The following ZNF875 variants were observed in gnomAD, a reference collection of about 807,000 sequenced individuals.
ZNF875 encodes HKR1, GLI-Kruppel zinc finger family member.
A neutral mutation model predicts 11.2 loss-of-function variants in ZNF875; 14 were observed. That is an observed-to-expected ratio of 1.26 (90% CI 0.83 to 1.96). The LOEUF (loss-of-function observed/expected upper bound fraction) is 1.96, where lower values mean the gene tolerates loss of function less well. Ranked by LOEUF, ZNF875 falls within the 30% of genes most tolerant of loss-of-function variation. ZNF875 has a pLI of 0.00. For synonymous variants in ZNF875, 301 were observed against 281.1 expected (o/e 1.07, Z -0.71); for missense variants, 752 against 760.4 (o/e 0.99, Z 0.13).
chr19:37,342,142 C>G (rs961055946), intron 2 of ZNF875, among the ~76,000 whole-genome samples: 3 of 152,190 alleles, frequency 2.0e-5, no homozygotes, highest in African/African-American at 7.2e-5. Context: ...GTGGAGACTC[C>G]ACTAGGCATC....
At chr19:37,330,598 G>C (rs1223642455), upstream of ZNF875, among the ~76,000 whole-genome samples, 3 of 152,066 alleles carry the variant, frequency 2.0e-5, no homozygotes, top group Non-Finnish European at 2.9e-5. Flanking sequence ...AACCTGAAGG[G>C]TAACTGCTTA....
At chr19:37,335,719 G>A (rs2034229502) in intron 2 of ZNF875, among the ~76,000 whole-genome samples, 1 of 152,156 alleles carries the variant, frequency 6.6e-6, no homozygotes, top group Non-Finnish European at 1.5e-5. Context: ...TCACTTCAAG[G>A]AGCCAGGCGC....
chr19:37,359,701 C>T, intron 4 of ZNF875: 1 of 219,560 alleles, frequency 4.6e-6, no homozygotes, highest in Non-Finnish European at 9.1e-6. Context: ...CATGCCTGGC[C>T]CTTTTCATTG....
intron 2 of ZNF875, among the ~76,000 whole-genome samples, chr19:37,342,477 A>G (rs1318675868): frequency 6.8e-6 from 1 of 148,126 alleles, no homozygotes; most frequent in Non-Finnish European, 1.5e-5. Context: ...CAATGGAGCG[A>G]TATCGGCTCA....
chr19:37,336,061 G>A (rs754626273), intron 2 of ZNF875, among the ~76,000 whole-genome samples: 1 of 152,130 alleles, frequency 6.6e-6, no homozygotes, highest in African/African-American at 2.4e-5. Flanking sequence ...ACATACATGC[G>A]TAATTGTTCA....
At chr19:37,332,871 C>T (rs1198239665), upstream of ZNF875, among the ~76,000 whole-genome samples, 1 of 152,130 alleles carries the variant, frequency 6.6e-6, no homozygotes, top group Non-Finnish European at 1.5e-5. Context: ...AAATAGGACT[C>T]CTTAAAGCAC....
chr19:37,318,846 A>G (rs1209829667), intron 1 of ZNF875, among the ~76,000 whole-genome samples: 1 of 151,900 alleles, frequency 6.6e-6, no homozygotes, highest in East Asian at 1.9e-4. Flanking sequence ...CTTGTGGAAA[A>G]TTTCTGTGAA....
Position 37,362,972 on chromosome 19 carries a change from G to C in ZNF875, c.1120G>C (p.Gly374Arg). The change falls in exon 5 of 5, where the codon GGC becomes CGC. Residue 374 changes from glycine to arginine, a missense_variant. Transcript: ENST00000392153. ...TTATGTTTGCAGGGAATGTGGGCGT[G>C]GCTTTCGCCAGCATTCACACCTGGT... is the stretch of plus-strand genomic sequence containing the variant. ...KPYVCRECGR[G>R]FRQHSHLVRH... The C allele has an allele frequency of 6.2e-7, 1 of 1,614,048 alleles. No homozygotes were observed. The highest frequency in any genetic ancestry group is 8.5e-7 in the Non-Finnish European group (1 of 1,180,018).
rs1363682927 is a variant in ZNF875, at chr19:37,362,255, T to A, written c.403T>A (p.Tyr135Asn). Residue 135 changes from tyrosine to asparagine, a missense_variant, in exon 5 of 5, where the codon TAT becomes AAT. By Grantham distance (143) the Tyr-to-Asn change is moderately radical (BLOSUM62 -2). Coordinates refer to ENST00000392153, the MANE Select transcript of ZNF875 (RefSeq NM_001353803.2). ...AGNPLHLGKH[Y>N]PEDQKQQQDP... ...AAATCCTCTCCACCTGGGAAAACACTATCCAGAAGATCAGAAACAACAGCA... is the reference window on the plus strand; with the variant it reads ...AAATCCTCTCCACCTGGGAAAACACAATCCAGAAGATCAGAAACAACAGCA... 1 of 1,614,042 alleles carries A rather than the reference T, an allele frequency of 6.2e-7. No individual in the cohort carries two copies. Among genetic ancestry groups the A allele is most frequent in the Non-Finnish European group, 8.5e-7 (1 of 1,180,030 alleles).
chr19:37,321,813 C>G (rs1294592739), intron 1 of ZNF875, among the ~76,000 whole-genome samples: 1 of 152,118 alleles, frequency 6.6e-6, no homozygotes, highest in Non-Finnish European at 1.5e-5. Flanking sequence ...TTCTGCCTCT[C>G]AAAGGGAGGA....
Position 37,362,959 on chromosome 19 carries a change from G to A in ZNF875, c.1107G>A (p.Arg369=), listed in dbSNP as rs2040216604. 1 of 1,613,878 alleles carries A rather than the reference G, an allele frequency of 6.2e-7. No individual in the cohort carries two copies. The highest frequency in any genetic ancestry group is 1.3e-5 in the African/African-American group (1 of 74,840). Reference sequence around the variant, plus strand: ...CTGGGGAGAAGCCTTATGTTTGCAGGGAATGTGGGCGTGGCTTTCGCCAGC... The same window carrying A: ...CTGGGGAGAAGCCTTATGTTTGCAGAGAATGTGGGCGTGGCTTTCGCCAGC... The part of the protein sequence containing the change: ...AHTGEKPYVC[R]ECGRGFRQHS... The change falls in exon 5 of 5, where the codon AGG becomes AGA. Residue 369 remains arginine (R), a synonymous_variant. Coordinates refer to ENST00000392153, the MANE Select transcript of ZNF875 (RefSeq NM_001353803.2).
At chr19:37,319,233 A>C (rs2145631043) in intron 1 of ZNF875, among the ~76,000 whole-genome samples, 1 of 150,048 alleles carries the variant, frequency 6.7e-6, no homozygotes, top group South Asian at 2.1e-4. Flanking sequence ...TTTAGTAGAG[A>C]TTGGGTTTCT....
Position 37,363,161 on chromosome 19 carries a change from C to T in ZNF875, c.1309C>T (p.Leu437Phe), listed in dbSNP as rs1393786356. Residue 437 changes from leucine (L) to phenylalanine (F), a missense_variant, in exon 5 of 5, where the codon CTC becomes TTC. Coordinates refer to ENST00000392153, the MANE Select transcript of ZNF875 (RefSeq NM_001353803.2). ...CGRHFSWKSN[L>F]KTHQRTHSGV... ...GCGTCACTTTAGCTGGAAATCAAAC[C>T]TCAAAACACACCAGAGGACACACTC... The T allele has an allele frequency of 6.2e-7, 1 of 1,614,106 alleles. No homozygotes were observed. Among genetic ancestry groups the T allele is most frequent in the Non-Finnish European group, 8.5e-7 (1 of 1,179,998 alleles).
upstream of ZNF875, among the ~76,000 whole-genome samples, chr19:37,330,926 G>T (rs530753321): frequency 6.6e-6 from 1 of 152,026 alleles, no homozygotes; most frequent in East Asian, 2.0e-4. Flanking sequence ...GGTGGCTCAC[G>T]CCTGTAATCC....
upstream of ZNF875, chr19:37,315,096 G>T (rs1599836820): frequency 6.6e-6 from 1 of 152,004 alleles, no homozygotes; most frequent in Non-Finnish European, 1.5e-5. Context: ...CTATGTATTG[G>T]TCTATTTTGG....
rs1006209559 is a variant in ZNF875, at chr19:37,349,189, A to G, written c.256+1317A>G. 6.3e-4 allele frequency among the ~76,000 whole-genome samples: 96 copies of G among 152,150 alleles called. 1 individual carries two copies. Among genetic ancestry groups the G allele is most frequent in the Non-Finnish European group, 8.8e-5 (6 of 68,028 alleles). ...TTTGTAAGGACATTATTCATACTGGATTAGGACCCACTCTAATGACCTCAT... is the reference window on the plus strand; with the variant it reads ...TTTGTAAGGACATTATTCATACTGGGTTAGGACCCACTCTAATGACCTCAT... On this transcript the variant is annotated intron_variant, in intron 4 of 4. Transcript: ENST00000392153.
chr19:37,317,260 AC>A (rs1359626263), upstream of ZNF875: 2 of 120,646 alleles, frequency 1.7e-5, no homozygotes, highest in African/African-American at 6.6e-5. Flanking sequence ...ATCTCTGCTC[AC>A]TGCAAGCTCC....
At chr19:37,319,831 G>A (rs2031013890) in intron 1 of ZNF875, among the ~76,000 whole-genome samples, 1 of 152,224 alleles carries the variant, frequency 6.6e-6, no homozygotes, top group East Asian at 1.9e-4. Context: ...GGTAACCTCA[G>A]CTCTTTCATG....
chr19:37,345,624 A>G (rs1018635081), intron 2 of ZNF875, among the ~76,000 whole-genome samples: 8 of 152,176 alleles, frequency 5.3e-5, no homozygotes, highest in African/African-American at 1.9e-4. Flanking sequence ...CCGTCAGCCA[A>G]CTGTGGTCCT....
Sources: gnomAD v4.1 joint callset for allele counts (sites outside exome capture counted in the v4.1 genomes callset) on GRCh38, gnomAD v4.1.1 for gene constraint, MANE v1.5 for transcripts, NCBI Gene and HGNC (gene_info 2026-07-23, HGNC 2026-07-21) for gene names.